Variants in NPEPPS observed in about 807,000 individuals in gnomAD.
The protein encoded by NPEPPS is puromycin-sensitive aminopeptidase.
In NPEPPS, 14 loss-of-function variants were observed where a neutral mutation model predicts 115.5. The observed-to-expected ratio is 0.12, with a 90% CI of 0.08 to 0.19. The LOEUF is 0.19. Among genes scored for constraint, NPEPPS ranks in the 10% least tolerant of loss-of-function variants. The pLI, the probability that NPEPPS is intolerant of heterozygous loss-of-function variation, is 1.00. For synonymous variants in NPEPPS, 285 were observed against 390.6 expected, an observed-to-expected ratio of 0.73 and a Z score of 3.19; for missense variants, 523 against 1,110.8, an observed-to-expected ratio of 0.47 and a Z score of 7.52.
intron 12 of NPEPPS, chr17:47,595,929 C>G (rs559049369): frequency 7.3e-6 from 1 of 137,436 alleles, no homozygotes; most frequent in South Asian, 2.3e-4. Flanking sequence ...TTGCAGTGAT[C>G]TTAGATCATG....
At chr17:47,567,349 T>C (rs2261190) in intron 2 of NPEPPS, among the ~76,000 whole-genome samples, 11 of 152,302 alleles carry the variant, frequency 7.2e-5, no homozygotes, top group Admixed American at 6.5e-4. Context: ...ATAGTGACAG[T>C]AGAAACATTT....
chr17:47,607,968 CTGAG>C (rs1464110160), intron 17 of NPEPPS, among the ~76,000 whole-genome samples: 2 of 151,920 alleles, frequency 1.3e-5, no homozygotes, highest in Admixed American at 6.6e-5. Context: ...CCTCAGCCTC[CTGAG>C]TATTTGGGAC....
upstream of NPEPPS, among the ~76,000 whole-genome samples, chr17:47,529,739 A>C (rs1427367681): frequency 5.4e-5 from 1 of 18,630 alleles, no homozygotes; most frequent in African/African-American, 2.1e-4. Context: ...CAGTTACATT[A>C]TATATATATA....
Position 47,531,546 on chromosome 17 carries a change from C to T in NPEPPS, c.246C>T (p.Ala82=). ...TCACCTTCGAGGGCAAGCTGGAGGC[C>T]GCCGCCCAGGTACAGCGACCCTCGG... ...LDFTFEGKLE[A]AAQVRQATNQ... The change falls in exon 1 of 23, where the codon GCC becomes GCT. Residue 82 remains alanine, a synonymous_variant. Transcript: ENST00000322157. 6.2e-7 allele frequency: 1 copy of T among 1,604,922 alleles called. No homozygotes were observed. The highest frequency in any genetic ancestry group is 8.5e-7 in the Non-Finnish European group (1 of 1,177,088).
At chr17:47,531,716 G>A (rs1419774938) in intron 1 of NPEPPS, among the ~76,000 whole-genome samples, 161 bp downstream of exon 1, 1 of 150,854 alleles carries the variant, frequency 6.6e-6, no homozygotes, top group Non-Finnish European at 1.5e-5. Context: ...GCTCTGTTGG[G>A]GCTGGGGCTG....
rs183290864 is a variant in NPEPPS, at chr17:47,572,312, A to G, written c.418+2818A>G. On this transcript the variant is annotated intron_variant, in intron 3 of 22. Coordinates refer to ENST00000322157, the MANE Select transcript of NPEPPS (RefSeq NM_006310.4). ...GGTGGTATACTTGATGTCTACTCAC[A>G]TTTCATTGACCAAAGCAAGTAGCAT... Among the ~76,000 whole-genome samples, 13 of 152,292 alleles carry G rather than the reference A, an allele frequency of 8.5e-5. No individual in the cohort carries two copies. In the East Asian group the frequency reaches 2.1e-3, roughly 25 times the overall value.
At chr17:47,593,628 T>C (rs567821896) in intron 12 of NPEPPS, among the ~76,000 whole-genome samples, 13 of 152,286 alleles carry the variant, frequency 8.5e-5, no homozygotes, top group African/African-American at 2.4e-4. Context: ...CTGAGAAATA[T>C]GTTGTCAGGC....
chr17:47,545,180 AT>A (rs1053420097), intron 1 of NPEPPS, among the ~76,000 whole-genome samples: 1 of 151,818 alleles, frequency 6.6e-6, no homozygotes, highest in African/African-American at 2.4e-5. Context: ...AATTAAAAAA[AT>A]TTTTTTTGTC....
chr17:47,572,250 A>C (rs1402028057), intron 3 of NPEPPS, among the ~76,000 whole-genome samples: 1 of 152,198 alleles, frequency 6.6e-6, no homozygotes, highest in Non-Finnish European at 1.5e-5. Context: ...CCCTGTCTCT[A>C]TAAAAAATAA....
intron 3 of NPEPPS, among the ~76,000 whole-genome samples, chr17:47,575,194 A>C (rs1460662668): frequency 6.6e-6 from 1 of 152,234 alleles, no homozygotes; most frequent in African/African-American, 2.4e-5. Flanking sequence ...ATTCCTCAAC[A>C]GAATGAAATG....
chr17:47,542,971 T>C (rs888110235), intron 1 of NPEPPS, among the ~76,000 whole-genome samples: 4 of 151,742 alleles, frequency 2.6e-5, no homozygotes, highest in Admixed American at 2.0e-4. Flanking sequence ...ACCCCATCTC[T>C]ACTAAAAATA....
chr17:47,622,891 C>G lies in NPEPPS; in HGVS notation c.*971C>G, dbSNP rs1567877237. The G allele has an allele frequency of 2.2e-6, 1 of 455,992 alleles. No individual in the cohort carries two copies. The highest frequency in any genetic ancestry group is 4.4e-6 in the Non-Finnish European group (1 of 226,790). 28.2% of individuals were successfully genotyped at this position (455,992 alleles called of 1,614,324 possible). A position where few individuals can be genotyped will look rare whatever the true frequency, so the allele number is the denominator to read the frequency against. ...CACAACAGTATCAACACTGGCTTCT[C>G]CCGGTTCATTTTATGCGTGCGAGAA... is the stretch of plus-strand genomic sequence containing the variant. On this transcript the variant is annotated 3_prime_UTR_variant, in exon 23 of 23. Coordinates refer to ENST00000322157, the MANE Select transcript of NPEPPS (RefSeq NM_006310.4).
rs574835258 is a variant in NPEPPS, at chr17:47,587,367, C to G, written c.1095+23C>G. 81 of 1,470,434 alleles carry G rather than the reference C, an allele frequency of 5.5e-5. 1 individual carries two copies. The South Asian group carries it at 8.9e-4, about 16-fold the overall frequency. The allele number at this position is 1,470,434 out of a possible 1,614,324, so 91.1% of individuals were successfully genotyped here. On this transcript the variant is annotated intron_variant, in intron 9 of 22. Coordinates refer to ENST00000322157, the MANE Select transcript of NPEPPS (RefSeq NM_006310.4). ...ATGGTATTTAATATTTTTAAGTGCT[C>G]AAATATATTTATCTTCATCCTACTC...
At chr17:47,524,448 C>T (rs1907343384) in intron 1 of NPEPPS, among the ~76,000 whole-genome samples, 1 of 151,964 alleles carries the variant, frequency 6.6e-6, no homozygotes, top group Non-Finnish European at 1.5e-5. Flanking sequence ...TTTAGCCTCC[C>T]AAGTAGCTAG....
At chr17:47,532,469 A>G (rs961001076) in intron 1 of NPEPPS, among the ~76,000 whole-genome samples, 16 of 151,898 alleles carry the variant, frequency 1.1e-4, no homozygotes, top group Admixed American at 3.3e-4. Flanking sequence ...CCTGACCAAC[A>G]TGGTGAAACC....
chr17:47,549,729 G>A (rs1362534936), intron 2 of NPEPPS, among the ~76,000 whole-genome samples: 1 of 146,744 alleles, frequency 6.8e-6, no homozygotes, highest in Admixed American at 6.8e-5. Flanking sequence ...TGCAGTGAGT[G>A]GAGATTGTGC....
At chr17:47,532,238 T>G (rs1907852455) in intron 1 of NPEPPS, among the ~76,000 whole-genome samples, 1 of 152,144 alleles carries the variant, frequency 6.6e-6, no homozygotes, top group South Asian at 2.1e-4. Context: ...TTGTTCTCTC[T>G]TAACCTCCAG....
chr17:47,569,523 G>A (rs746194340), intron 3 of NPEPPS, 29 bp downstream of exon 3: 20 of 1,008,558 alleles, frequency 2.0e-5, no homozygotes, highest in Middle Eastern at 2.1e-4. Flanking sequence ...GTAAAATCTC[G>A]TGATGAATAT....
intron 16 of NPEPPS, 117 bp from the exon 17 acceptor site, chr17:47,605,216 C>A (rs938310464): frequency 3.1e-6 from 2 of 639,640 alleles, no homozygotes; most frequent in African/African-American, 1.8e-5. Context: ...TGAGCTTATA[C>A]AGTCCCATTT....
Sources: gnomAD v4.1 joint callset for allele counts (sites outside exome capture counted in the v4.1 genomes callset) on GRCh38, gnomAD v4.1.1 for gene constraint, MANE v1.5 for transcripts, NCBI Gene and HGNC (gene_info 2026-07-23, HGNC 2026-07-21) for gene names.